The following GPC5 variants were observed in gnomAD, a reference collection of about 807,000 sequenced individuals.
GPC5 encodes the protein glypican 5.
GPC5 carries 47 observed loss-of-function variants against 53.9 expected under a neutral mutation model. The observed-to-expected ratio is 0.87, with a 90% CI of 0.69 to 1.11. The LOEUF is 1.11. GPC5 is among the 50% of genes most tolerant of loss of function. The pLI is 0.00. For missense variants in GPC5, 748 were observed against 713.1 expected (o/e 1.05, Z -0.56); for synonymous variants, 286 against 263.3 (o/e 1.09, Z -0.84).
At chr13:91,998,871 A>C (rs1383866996) in intron 6 of GPC5, among the ~76,000 whole-genome samples, 2 of 152,218 alleles carry the variant, frequency 1.3e-5, no homozygotes, top group Non-Finnish European at 2.9e-5. Context: ...GCCACACAGA[A>C]CTGAGTTATA....
intron 6 of GPC5, among the ~76,000 whole-genome samples, chr13:91,963,876 G>A (rs1016037882): frequency 8.5e-5 from 13 of 152,282 alleles, no homozygotes; most frequent in African/African-American, 2.6e-4. Flanking sequence ...CTTCGTACAA[G>A]ATGTGATGAT....
At chr13:92,256,855 C>G (rs576174614) in intron 7 of GPC5, among the ~76,000 whole-genome samples, 5 of 151,540 alleles carry the variant, frequency 3.3e-5, no homozygotes, top group Admixed American at 2.0e-4. Context: ...TGTATTATTA[C>G]TAATTTTGCT....
intron 7 of GPC5, among the ~76,000 whole-genome samples, chr13:92,186,394 G>A (rs1309181176): frequency 6.6e-6 from 1 of 151,664 alleles, no homozygotes; most frequent in African/African-American, 2.4e-5. Flanking sequence ...ATCTTAATTA[G>A]CAATCATATA....
intron 7 of GPC5, among the ~76,000 whole-genome samples, chr13:92,216,341 T>C (rs2042410015): frequency 6.6e-6 from 1 of 152,164 alleles, no homozygotes; most frequent in South Asian, 2.1e-4. Flanking sequence ...GAAGGCAGAC[T>C]TTATTGCAGG....
chr13:91,650,531 A>G (rs886678502), intron 2 of GPC5, among the ~76,000 whole-genome samples: 3 of 148,710 alleles, frequency 2.0e-5, no homozygotes, highest in Non-Finnish European at 4.4e-5. Context: ...AAAACAAAAC[A>G]AAATGAAAAC....
chr13:91,410,553 A>C (rs367667782), intron 1 of GPC5, among the ~76,000 whole-genome samples: 1 of 151,348 alleles, frequency 6.6e-6, no homozygotes, highest in African/African-American at 2.4e-5. Context: ...TCACTGTGTT[A>C]GCCAGGATGG....
chr13:92,673,268 T>C (rs950785182), intron 7 of GPC5, among the ~76,000 whole-genome samples: 7 of 150,730 alleles, frequency 4.6e-5, no homozygotes, highest in Admixed American at 4.0e-4. Context: ...TGAATTACTC[T>C]TTTTTTTCTT....
chr13:92,749,158 C>T (rs924860404), intron 7 of GPC5, among the ~76,000 whole-genome samples: 11 of 152,082 alleles, frequency 7.2e-5, no homozygotes, highest in African/African-American at 2.7e-4. Flanking sequence ...TTTTAAGTGT[C>T]ACCAGGAAAC....
chr13:92,556,924 A>G (rs555238904), intron 7 of GPC5, among the ~76,000 whole-genome samples: 34 of 151,900 alleles, frequency 2.2e-4, no homozygotes, highest in Non-Finnish European at 4.1e-4. Context: ...GTATTCCCCT[A>G]TAAACAGGAG....
Position 91,478,859 on chromosome 13 carries a change from TAC to T in GPC5, c.325+29945_325+29946del, listed in dbSNP as rs1280355403. ...CATATATATACACATTATATATATA[TAC>T]ACACACATATATATACACATTATAT... is the stretch of plus-strand genomic sequence containing the variant. On this transcript the variant is annotated intron_variant, in intron 2 of 7. Transcript: ENST00000377067. Among the ~76,000 whole-genome samples the T allele has an allele frequency of 1.7e-4, 18 of 107,942 alleles. 2 individuals are homozygous for T. The highest frequency in any genetic ancestry group is 5.7e-4 in the East Asian group (2 of 3,506). 70.8% of individuals were successfully genotyped at this position (107,942 alleles called of 152,430 possible).
At chr13:92,481,004 C>A (rs1879331422) in intron 7 of GPC5, among the ~76,000 whole-genome samples, 1 of 152,204 alleles carries the variant, frequency 6.6e-6, no homozygotes, top group Non-Finnish European at 1.5e-5. Flanking sequence ...GGCAAAGGAA[C>A]AGGTTCTCCC....
chr13:92,858,362 C>G (rs542429063), intron 7 of GPC5, among the ~76,000 whole-genome samples: 1 of 152,230 alleles, frequency 6.6e-6, no homozygotes, highest in South Asian at 2.1e-4. Flanking sequence ...GATGGTGAGG[C>G]CTCCCCAGCT....
intron 7 of GPC5, among the ~76,000 whole-genome samples, chr13:92,316,147 T>C (rs1426127771): frequency 6.6e-6 from 1 of 152,054 alleles, no homozygotes; most frequent in African/African-American, 2.4e-5. Flanking sequence ...GAGAATGCAA[T>C]GATAAGTAAG....
chr13:91,474,414 A>G (rs1566431133), intron 2 of GPC5, among the ~76,000 whole-genome samples: 1 of 151,892 alleles, frequency 6.6e-6, no homozygotes, highest in African/African-American at 2.4e-5. Flanking sequence ...TTTTCCTACC[A>G]TTTTTCTTTT....
intron 7 of GPC5, among the ~76,000 whole-genome samples, chr13:92,833,492 G>T (rs910786043): frequency 6.6e-6 from 1 of 152,036 alleles, no homozygotes; most frequent in East Asian, 1.9e-4. Context: ...TCACTCACTT[G>T]TTCATTAATG....
intron 6 of GPC5, among the ~76,000 whole-genome samples, chr13:92,004,473 T>C (rs1311122517): frequency 1.5e-5 from 2 of 133,106 alleles, no homozygotes; most frequent in African/African-American, 2.9e-5. Flanking sequence ...TATATATATA[T>C]ATATATATAT....
chr13:92,010,067 C>T (rs1166254285), intron 6 of GPC5, among the ~76,000 whole-genome samples: 1 of 152,042 alleles, frequency 6.6e-6, no homozygotes, highest in African/African-American at 2.4e-5. Flanking sequence ...ATAATATAAG[C>T]TTGGCAGACT....
chr13:92,466,648 C>T (rs1035931396), intron 7 of GPC5, among the ~76,000 whole-genome samples: 6 of 151,936 alleles, frequency 3.9e-5, no homozygotes, highest in Non-Finnish European at 5.9e-5. Context: ...GGCTTTTGAC[C>T]ATATTTCTCT....
intron 2 of GPC5, among the ~76,000 whole-genome samples, chr13:91,515,660 G>C (rs562038602): frequency 6.6e-6 from 1 of 152,210 alleles, no homozygotes; most frequent in South Asian, 2.1e-4. Context: ...AATTATGATG[G>C]CATTTAGACC....
Sources: allele counts gnomAD v4.1 joint callset (sites outside exome capture counted in the v4.1 genomes callset), GRCh38; gene constraint gnomAD v4.1.1; transcripts MANE v1.5; gene names NCBI Gene and HGNC (gene_info 2026-07-23, HGNC 2026-07-21).